The following GLIS3 variants were observed in gnomAD, a reference collection of about 807,000 sequenced individuals.
GLIS3 encodes GLIS family zinc finger 3.
In GLIS3, 53 loss-of-function variants were observed where a neutral mutation model predicts 78.6. The ratio of observed to expected loss-of-function variants is 0.67; its 90% confidence interval spans 0.54 to 0.85. The LOEUF (loss-of-function observed/expected upper bound fraction) is 0.85. Ranked by LOEUF, GLIS3 falls within the 40% of genes least tolerant of loss-of-function variation. The pLI, the probability that GLIS3 is intolerant of heterozygous loss-of-function variation, is 0.00. For missense variants in GLIS3, 1,703 were observed against 1,231.1 expected, an observed-to-expected ratio of 1.38 and a Z score of -5.74; for synonymous variants, 684 against 509.9, an observed-to-expected ratio of 1.34 and a Z score of -4.60.
the GLIS3 span, among the ~76,000 whole-genome samples, chr9:4,430,624 AG>A: frequency 6.6e-6 from 1 of 152,256 alleles, no homozygotes; most frequent in East Asian, 1.9e-4. Flanking sequence ...GATAAATCAA[AG>A]AACAACTAGC....
intron 2 of GLIS3, among the ~76,000 whole-genome samples, chr9:4,250,925 A>C (rs981882722): frequency 1.3e-5 from 2 of 152,034 alleles, no homozygotes; most frequent in African/African-American, 2.4e-5. Context: ...TGCGGTTTTG[A>C]GTGAGTTTCT....
intron 7 of GLIS3, among the ~76,000 whole-genome samples, chr9:3,883,270 C>A (rs1363358424): frequency 1.3e-5 from 2 of 152,230 alleles, no homozygotes; most frequent in African/African-American, 4.8e-5. Context: ...TTACTACAGT[C>A]TAGGAATATT....
chr9:4,086,637 C>T (rs1829042484), intron 4 of GLIS3, among the ~76,000 whole-genome samples: 1 of 152,202 alleles, frequency 6.6e-6, no homozygotes. Context: ...AAGAGACGGA[C>T]TTTCCACTGT....
Position 3,932,409 on chromosome 9 carries a change from C to G in GLIS3, c.1934G>C (p.Arg645Thr). 6.2e-7 allele frequency: 1 copy of G among 1,613,838 alleles called. No homozygotes were observed. ...TKRYTDPSSL[R>T]KHVKAHSSKE... ...GGAAGAATGTGCCTTCACATGCTTTCTTAGGGAACTTGGGTCTGTGTAGCG... is the reference window on the plus strand; with the variant it reads ...GGAAGAATGTGCCTTCACATGCTTTGTTAGGGAACTTGGGTCTGTGTAGCG... The change falls in exon 6 of 11, where the codon AGA becomes ACA. Residue 645 changes from arginine to threonine, a missense_variant. Physicochemically the swap from Arg to Thr is moderately conservative, Grantham distance 71. Transcript: ENST00000381971.
chr9:4,200,104 T>C (rs993059515), intron 2 of GLIS3, among the ~76,000 whole-genome samples: 3 of 152,068 alleles, frequency 2.0e-5, no homozygotes, highest in African/African-American at 7.2e-5. Context: ...AACTTCAATA[T>C]AAATGAAAAC....
chr9:4,211,165 C>T (rs1212990886), intron 2 of GLIS3, among the ~76,000 whole-genome samples: 2 of 152,250 alleles, frequency 1.3e-5, no homozygotes, highest in East Asian at 3.8e-4. Context: ...CAGTAATAAC[C>T]TGTTTGCTGG....
intron 4 of GLIS3, among the ~76,000 whole-genome samples, chr9:3,950,302 A>T (rs1360393245): frequency 6.6e-6 from 1 of 152,184 alleles, no homozygotes; most frequent in African/African-American, 2.4e-5. Context: ...CTGCAGCTGG[A>T]GTCACTTTTG....
At chr9:4,136,715 C>G (rs611698) in intron 2 of GLIS3, among the ~76,000 whole-genome samples, 2 of 152,058 alleles carry the variant, frequency 1.3e-5, no homozygotes, top group East Asian at 3.9e-4. Flanking sequence ...AGGCACAATG[C>G]GTCCTGGAGA....
At chr9:4,193,161 A>C (rs1322696032) in intron 2 of GLIS3, among the ~76,000 whole-genome samples, 1 of 152,262 alleles carries the variant, frequency 6.6e-6, no homozygotes, top group Non-Finnish European at 1.5e-5. Context: ...CTTGGTCAGC[A>C]AAACTATAGC....
At position 4,187,287 on chromosome 9, in the gene GLIS3, T is replaced by A. The variant is rs1817894979; in HGVS notation, c.389-61346A>T. ...CCATTGCTTGTTTTTCTCAGGTTTG[T>A]CAAAGATCAGATACTTGTAGATATG... On this transcript the variant is annotated intron_variant, in intron 2 of 10. Transcript: ENST00000381971. 2.0e-5 allele frequency among the ~76,000 whole-genome samples: 3 copies of A among 152,364 alleles called. No individual in the cohort carries two copies. The South Asian group carries it at 6.2e-4, about 32-fold the overall frequency.
At chr9:3,845,770 G>T (rs983838414) in intron 9 of GLIS3, among the ~76,000 whole-genome samples, 4 of 152,152 alleles carry the variant, frequency 2.6e-5, no homozygotes, top group African/African-American at 9.7e-5. Context: ...CACACAGTGG[G>T]GTAATCCCAT....
chr9:4,449,929 C>T, the GLIS3 span, among the ~76,000 whole-genome samples: 8 of 152,106 alleles, frequency 5.3e-5, no homozygotes, highest in African/African-American at 1.4e-4. Flanking sequence ...AAAACCAGAG[C>T]GCCTCTTCTC....
chr9:4,460,072 G>T, the GLIS3 span, among the ~76,000 whole-genome samples: 4 of 152,026 alleles, frequency 2.6e-5, no homozygotes, highest in Admixed American at 6.6e-5. Context: ...GACAGATCTT[G>T]ATTAACTTGG....
rs749103676 is a variant in GLIS3, at chr9:4,118,485, G to A, written c.993C>T (p.Ile331=). The change falls in exon 4 of 11, where the codon ATC becomes ATT. Residue 331 remains isoleucine (I), a synonymous_variant. Coordinates refer to ENST00000381971, the MANE Select transcript of GLIS3 (RefSeq NM_001042413.2). The surrounding 1 kb of genome is among the most constrained non-coding windows in gnomAD (Gnocchi z 4.7). ...RTSPTSLVAY[I]NGSRASPANL... is the part of the protein sequence containing the mutation. ...TGGCCGGCGAAGCCCTCGACCCGTTGATGTAGGCCACCAAGGACGTGGGCG... is the reference window on the plus strand; with the variant it reads ...TGGCCGGCGAAGCCCTCGACCCGTTAATGTAGGCCACCAAGGACGTGGGCG... 6 of 1,614,048 alleles carry A rather than the reference G, an allele frequency of 3.7e-6. No individual in the cohort carries two copies. The highest frequency in any genetic ancestry group is 1.6e-4 in the Middle Eastern group (1 of 6,084).
the GLIS3 span, among the ~76,000 whole-genome samples, chr9:4,428,209 T>A: frequency 1.3e-5 from 2 of 151,966 alleles, no homozygotes; most frequent in Non-Finnish European, 2.9e-5. Context: ...CCAGGTGTGG[T>A]GGATCATGCC....
chr9:4,183,014 G>T (rs1382175044), intron 2 of GLIS3, among the ~76,000 whole-genome samples: 3 of 152,216 alleles, frequency 2.0e-5, no homozygotes, highest in Admixed American at 6.5e-5. Flanking sequence ...CGCAGTGAAG[G>T]ATGGTTATGG....
chr9:4,390,114 C>T, the GLIS3 span, among the ~76,000 whole-genome samples: 16 of 152,306 alleles, frequency 1.1e-4, no homozygotes, highest in East Asian at 3.9e-4. Flanking sequence ...GAGGGAACCA[C>T]GGACATGTAT....
At chr9:4,258,443 G>T (rs1440831800) in intron 2 of GLIS3, among the ~76,000 whole-genome samples, 6 of 152,210 alleles carry the variant, frequency 3.9e-5, no homozygotes, top group African/African-American at 1.4e-4. Context: ...CTTAGTCAGA[G>T]AACTGGCCTG....
At chr9:4,108,598 C>G (rs538183490) in intron 4 of GLIS3, among the ~76,000 whole-genome samples, 5 of 152,064 alleles carry the variant, frequency 3.3e-5, no homozygotes, top group African/African-American at 1.2e-4. Context: ...GCCACTGGGA[C>G]GAGGGATGTG....
Sources: allele counts gnomAD v4.1 joint callset (sites outside exome capture counted in the v4.1 genomes callset), GRCh38; gene constraint gnomAD v4.1.1; non-coding constraint Gnocchi (gnomAD v3.1); transcripts MANE v1.5; gene names NCBI Gene and HGNC (gene_info 2026-07-23, HGNC 2026-07-21).